PTPRZ1: variants seen among roughly 807,000 people sequenced by gnomAD.
The protein encoded by PTPRZ1 is receptor-type tyrosine-protein phosphatase zeta.
PTPRZ1 carries 82 observed loss-of-function variants against 214.1 expected under a neutral mutation model. That is an observed-to-expected ratio of 0.38 (90% CI 0.32 to 0.46). PTPRZ1 has a LOEUF of 0.46. Among genes scored for constraint, PTPRZ1 ranks in the 20% least tolerant of loss-of-function variants. The pLI is 1.00. For synonymous variants in PTPRZ1, 945 were observed against 987.9 expected (o/e 0.96, Z 0.81); for missense variants, 2,603 against 2,748.7 (o/e 0.95, Z 1.19).
chr7:121,878,953 T>C (rs1021697427), intron 1 of PTPRZ1, among the ~76,000 whole-genome samples: 9 of 152,156 alleles, frequency 5.9e-5, no homozygotes, highest in Admixed American at 5.9e-4. Context: ...CCTCTTTTGA[T>C]TATGATCTCA....
chr7:122,029,180 A>G (rs1368822632), intron 14 of PTPRZ1, among the ~76,000 whole-genome samples: 2 of 151,978 alleles, frequency 1.3e-5, no homozygotes, highest in African/African-American at 4.8e-5. Context: ...CACAAACAAT[A>G]TATGGTTGCT....
intron 29 of PTPRZ1, 152 bp downstream of exon 29, chr7:122,060,040 G>A: frequency 1.3e-6 from 1 of 764,042 alleles, no homozygotes; most frequent in Non-Finnish European, 2.0e-6. Context: ...ACAATCCATA[G>A]AACAACAACA....
At position 122,044,539 on chromosome 7, in the gene PTPRZ1, G is replaced by A. The variant is rs779541895; in HGVS notation, c.6055G>A (p.Gly2019Ser). 6.2e-7 allele frequency: 1 copy of A among 1,613,750 alleles called. No individual in the cohort carries two copies. Among genetic ancestry groups the A allele is most frequent in the African/African-American group, 1.3e-5 (1 of 75,012 alleles). ...VNALLIPGPA[G>S]KTKLEKQFQL... ...TGCACTCCTCATTCCTGGACCAGCA[G>A]GCAAAACAAAGCTAGAGAAACAATT... Residue 2019 changes from glycine to serine, a missense_variant, in exon 23 of 30, where the codon GGC becomes AGC. By Grantham distance (56) the Gly-to-Ser change is moderately conservative. Around this residue, in one of 6 missense-constraint regions of PTPRZ1, gnomAD observed 1,913 missense variants for 1,914.3 expected, o/e 1.00. Coordinates refer to ENST00000393386, the MANE Select transcript of PTPRZ1 (RefSeq NM_002851.3).
chr7:121,983,567 A>C, intron 6 of PTPRZ1, 98 bp from the exon 7 acceptor site: 1 of 1,175,412 alleles, frequency 8.5e-7, no homozygotes, highest in Non-Finnish European at 1.2e-6. Flanking sequence ...GTTTTGATTA[A>C]ATACATAACA....
chr7:121,903,068 G>A (rs1373034786), intron 1 of PTPRZ1, among the ~76,000 whole-genome samples: 1 of 152,020 alleles, frequency 6.6e-6, no homozygotes, highest in African/African-American at 2.4e-5. Flanking sequence ...GTCATGCACT[G>A]GGCTGACTGC....
intron 2 of PTPRZ1, among the ~76,000 whole-genome samples, chr7:121,935,149 C>G (rs1322181276): frequency 6.6e-6 from 1 of 152,108 alleles, no homozygotes; most frequent in East Asian, 1.9e-4. Context: ...GGTCGCAACT[C>G]TTATGTAGTA....
At chr7:121,997,034 G>A (rs905387465) in intron 9 of PTPRZ1, among the ~76,000 whole-genome samples, 1 of 152,108 alleles carries the variant, frequency 6.6e-6, no homozygotes, top group Non-Finnish European at 1.5e-5. Flanking sequence ...CAGAACTTTG[G>A]GGATGTAAGA....
Position 121,983,729 on chromosome 7 carries a change from T to C in PTPRZ1, c.684T>C (p.Tyr228=), listed in dbSNP as rs1265061281. 6.2e-7 allele frequency: 1 copy of C among 1,613,810 alleles called. No homozygotes were observed. The highest frequency in any genetic ancestry group is 1.3e-5 in the African/African-American group (1 of 75,046). ...TTCTGCCAAACTCAACTGACAAGTA[T>C]TACATTTACAATGGCTCATTGACAT... ...LNLLPNSTDK[Y]YIYNGSLTSP... The change falls in exon 7 of 30, where the codon TAT becomes TAC. Residue 228 remains tyrosine, a synonymous_variant. Transcript: ENST00000393386.
intron 2 of PTPRZ1, among the ~76,000 whole-genome samples, chr7:121,946,844 A>G (rs2116442291): frequency 6.6e-6 from 1 of 152,274 alleles, no homozygotes; most frequent in South Asian, 2.1e-4. Flanking sequence ...ATAAAAATGC[A>G]TAACCTGAAG....
intron 1 of PTPRZ1, among the ~76,000 whole-genome samples, chr7:121,901,162 A>G (rs567496655): frequency 6.6e-6 from 1 of 152,282 alleles, no homozygotes; most frequent in Non-Finnish European, 1.5e-5. Context: ...GTTGAGAATG[A>G]AAGTAGTAAC....
chr7:121,960,891 G>A (rs2116487424), intron 2 of PTPRZ1, among the ~76,000 whole-genome samples: 1 of 151,518 alleles, frequency 6.6e-6, no homozygotes, highest in Non-Finnish European at 1.5e-5. Context: ...GGTCAAATAT[G>A]TATAGCACAT....
At chr7:121,979,225 A>G (rs999725321) in intron 6 of PTPRZ1, among the ~76,000 whole-genome samples, 1 of 151,514 alleles carries the variant, frequency 6.6e-6, no homozygotes, top group African/African-American at 2.4e-5. Flanking sequence ...CCTCCCATCC[A>G]CCATACCTAC....
chr7:122,012,774 T>C lies in PTPRZ1; in HGVS notation c.3728T>C (p.Val1243Ala). The part of the protein sequence containing the change: ...ENMLHSTSVP[V>A]FDVSPTSHMH... ...ATGCTGCACTCTACATCTGTACCAGTTTTTGATGTGTCGCCTACTTCTCAT... is the reference window on the plus strand; with the variant it reads ...ATGCTGCACTCTACATCTGTACCAGCTTTTGATGTGTCGCCTACTTCTCAT... The change falls in exon 12 of 30, where the codon GTT becomes GCT. Residue 1243 changes from valine to alanine, a missense_variant. Transcript: ENST00000393386. The C allele has an allele frequency of 6.2e-7, 1 of 1,611,470 alleles. No homozygotes were observed. The highest frequency in any genetic ancestry group is 8.5e-7 in the Non-Finnish European group (1 of 1,177,706).
At chr7:122,002,191 G>A (rs1276080964) in intron 10 of PTPRZ1, among the ~76,000 whole-genome samples, 1 of 152,166 alleles carries the variant, frequency 6.6e-6, no homozygotes, top group Admixed American at 6.5e-5. Flanking sequence ...CTCAGCAAAA[G>A]ACTTCTGGAT....
At position 122,011,070 on chromosome 7, in the gene PTPRZ1, A is replaced by G. The variant is rs1288391811; in HGVS notation, c.2024A>G (p.Gln675Arg). 1.9e-6 allele frequency: 3 copies of G among 1,614,026 alleles called. No individual in the cohort carries two copies. Among genetic ancestry groups the G allele is most frequent in the Non-Finnish European group, 2.5e-6 (3 of 1,180,024 alleles). ...DVGSGRESFL[Q>R]TNYTEIRVDE... Reference sequence around the variant, plus strand: ...GGATCAGGCAGAGAGAGCTTTCTCCAGACTAATTACACTGAGATACGTGTT... The same window carrying G: ...GGATCAGGCAGAGAGAGCTTTCTCCGGACTAATTACACTGAGATACGTGTT... The change falls in exon 12 of 30, where the codon CAG (glutamine) becomes CGG (arginine). Residue 675 changes from glutamine to arginine, a missense_variant. By Grantham distance (43) the Gln-to-Arg change is conservative (BLOSUM62 1). Around this residue, in one of 6 missense-constraint regions of PTPRZ1, gnomAD observed 1,913 missense variants for 1,914.3 expected, o/e 1.00. Coordinates refer to ENST00000393386, the MANE Select transcript of PTPRZ1 (RefSeq NM_002851.3).
chr7:122,010,247 C>A, intron 11 of PTPRZ1, 87 bp from the exon 12 acceptor site: 1 of 1,301,094 alleles, frequency 7.7e-7, no homozygotes, highest in Non-Finnish European at 1.1e-6. Context: ...CAAGATACCA[C>A]AAGTGATGAT....
chr7:121,879,695 A>C (rs1304674297), intron 1 of PTPRZ1, among the ~76,000 whole-genome samples: 1 of 152,120 alleles, frequency 6.6e-6, no homozygotes, highest in Admixed American at 6.6e-5. Flanking sequence ...TCTTCATAGG[A>C]GTCAAAAGCA....
Position 122,011,282 on chromosome 7 carries a change from T to G in PTPRZ1, c.2236T>G (p.Ser746Ala), listed in dbSNP as rs1223248603. Residue 746 changes from serine to alanine, a missense_variant, in exon 12 of 30, where the codon TCG becomes GCG. Ser to Ala is a moderately conservative substitution (Grantham distance 99, BLOSUM62 1). Coordinates refer to ENST00000393386, the MANE Select transcript of PTPRZ1 (RefSeq NM_002851.3). ...DLVSTVNVVY[S>A]QTTQPVYNGE... The stretch of plus-strand genomic sequence containing the variant: ...GGTCTCCACGGTCAACGTGGTATAC[T>G]CGCAGACAACCCAACCGGTATACAA... 6 of 1,613,966 alleles carry G rather than the reference T, an allele frequency of 3.7e-6. No homozygotes were observed. In the African/African-American group the frequency reaches 4.0e-5, roughly 11 times the overall value.
At chr7:121,969,292 T>C (rs978488506) in intron 3 of PTPRZ1, among the ~76,000 whole-genome samples, 1 of 152,096 alleles carries the variant, frequency 6.6e-6, no homozygotes, top group African/African-American at 2.4e-5. Context: ...CTGGGCGCAG[T>C]GGCTCACGCC....
Sources: gnomAD v4.1 joint callset for allele counts (sites outside exome capture counted in the v4.1 genomes callset) on GRCh38, gnomAD v4.1.1 for gene constraint, gnomAD v4.1.1 regional missense constraint, MANE v1.5 for transcripts, NCBI Gene and HGNC (gene_info 2026-07-23, HGNC 2026-07-21) for gene names.